IARS1: variants seen among roughly 807,000 people sequenced by gnomAD.
IARS1 encodes the protein isoleucyl-tRNA synthetase 1, also known as isoleucine--tRNA ligase, cytoplasmic.
In IARS1, 124 loss-of-function variants were observed where a neutral mutation model predicts 168.2. That is an observed-to-expected ratio of 0.74 (90% CI 0.64 to 0.86). The LOEUF (loss-of-function observed/expected upper bound fraction) is 0.86, where lower values mean the gene tolerates loss of function less well. Ranked by LOEUF, IARS1 falls within the 40% of genes least tolerant of loss-of-function variation. The pLI is 0.00. For missense variants in IARS1, 1,452 were observed against 1,515.8 expected, an observed-to-expected ratio of 0.96 and a Z score of 0.70; for synonymous variants, 532 against 529.4, an observed-to-expected ratio of 1.00 and a Z score of -0.07.
At chr9:92,260,273 A>G (rs756793686) in intron 17 of IARS1, 39 bp from the exon 18 acceptor site, 12 of 1,185,556 alleles carry the variant, frequency 1.0e-5, no homozygotes, top group African/African-American at 3.0e-5. Flanking sequence ...AAGTAAGTCA[A>G]TATCACAGAT....
chr9:92,264,914 A>T lies in IARS1; in HGVS notation c.1700+15T>A. On this transcript the variant is annotated intron_variant, in intron 16 of 33. Coordinates refer to ENST00000443024, the MANE Select transcript of IARS1 (RefSeq NM_002161.6). ...AAATCAATAAAACACGTGATGAAAGAACAAGGAGGCATACCATCCTCTGGT... is the reference window on the plus strand; with the variant it reads ...AAATCAATAAAACACGTGATGAAAGTACAAGGAGGCATACCATCCTCTGGT... 3.7e-6 allele frequency: 6 copies of T among 1,600,172 alleles called. No individual in the cohort carries two copies. The highest frequency in any genetic ancestry group is 5.1e-6 in the Non-Finnish European group (6 of 1,173,494).
chr9:92,262,341 A>C (rs983059120), intron 17 of IARS1, among the ~76,000 whole-genome samples: 1 of 152,194 alleles, frequency 6.6e-6, no homozygotes, highest in African/African-American at 2.4e-5. Context: ...CACAGCATAT[A>C]AAGTAGGATT....
intron 32 of IARS1, 44 bp from the exon 33 acceptor site, chr9:92,222,716 C>T: frequency 6.2e-7 from 1 of 1,605,158 alleles, no homozygotes; most frequent in Non-Finnish European, 8.5e-7. Flanking sequence ...GAGAGTTCAC[C>T]CTCTAGCTCC....
chr9:92,251,062 G>A (rs1398340483), intron 22 of IARS1: 4 of 572,196 alleles, frequency 7.0e-6, no homozygotes, highest in Non-Finnish European at 1.3e-5. Context: ...AATTCTGAAG[G>A]ATGTCTAAAA....
chr9:92,217,924 T>C (rs1167874564), intron 33 of IARS1, among the ~76,000 whole-genome samples: 1 of 152,134 alleles, frequency 6.6e-6, no homozygotes, highest in Non-Finnish European at 1.5e-5. Context: ...ACTCCTTTTA[T>C]GAGGCCAGCA....
In IARS1 at chr9:92,210,701, G is replaced by A; in HGVS notation, c.*106C>T. Reference sequence around the variant, plus strand: ...CAAGCAGCATATTTTACACACACCTGAAGGAAATATCTTCAGTGTGTTCAT... The same window carrying A: ...CAAGCAGCATATTTTACACACACCTAAAGGAAATATCTTCAGTGTGTTCAT... On this transcript the variant is annotated 3_prime_UTR_variant, in exon 34 of 34. Transcript: ENST00000443024. 2.7e-6 allele frequency: 2 copies of A among 729,490 alleles called. No individual in the cohort carries two copies. The highest frequency in any genetic ancestry group is 1.6e-5 in the South Asian group (1 of 61,600). The allele number at this position is 729,490 out of a possible 1,614,324, so 45.2% of individuals were successfully genotyped here.
intron 33 of IARS1, among the ~76,000 whole-genome samples, chr9:92,211,106 T>C (rs1837672857): frequency 6.6e-6 from 1 of 152,174 alleles, no homozygotes; most frequent in African/African-American, 2.4e-5. Context: ...ACCTGACAGT[T>C]GTTGCTAATG....
chr9:92,277,796 C>A, intron 9 of IARS1, 67 bp downstream of exon 9: 1 of 1,373,040 alleles, frequency 7.3e-7, no homozygotes, highest in Admixed American at 2.0e-5. Context: ...TTCCACTTCT[C>A]ACAACACCCC....
At chr9:92,225,574 A>ATTTTT (rs35209758) in intron 31 of IARS1, among the ~76,000 whole-genome samples, 6 of 144,254 alleles carry the variant, frequency 4.2e-5, no homozygotes, top group South Asian at 2.2e-4. Flanking sequence ...TAAAAGTGTG[A>ATTTTT]TTTTTTTTTT....
chr9:92,231,591 GTT>G (rs113987313), intron 30 of IARS1, among the ~76,000 whole-genome samples: 96 of 124,980 alleles, frequency 7.7e-4, no homozygotes, highest in African/African-American at 2.3e-3. Context: ...TTTTGTATTT[GTT>G]TTTTTTTTTT....
At chr9:92,243,884 T>C (rs1048482556) in intron 27 of IARS1, among the ~76,000 whole-genome samples, 9 of 152,222 alleles carry the variant, frequency 5.9e-5, no homozygotes, top group African/African-American at 2.2e-4. Context: ...ATTCTGAAGG[T>C]TGCTGATTAT....
At chr9:92,227,989 G>A (rs1826028776) in intron 31 of IARS1, among the ~76,000 whole-genome samples, 2 of 151,932 alleles carry the variant, frequency 1.3e-5, no homozygotes, top group African/African-American at 4.8e-5. Flanking sequence ...GCAGGCGGCT[G>A]GGAGATGGAG....
intron 6 of IARS1, among the ~76,000 whole-genome samples, chr9:92,284,238 G>T (rs143557749): frequency 0.024 from 3,586 of 152,220 alleles, 88 homozygotes; most frequent in South Asian, 0.12. Context: ...GACAACGAAT[G>T]CTAACATGGC....
chr9:92,282,714 G>A (rs1002273802), intron 6 of IARS1, among the ~76,000 whole-genome samples: 1 of 151,960 alleles, frequency 6.6e-6, no homozygotes, highest in Admixed American at 6.6e-5. Flanking sequence ...AGGCTGCAGT[G>A]AGCTGTGTTT....
Position 92,264,932 on chromosome 9 carries a change from C to T in IARS1, c.1697G>A (p.Gly566Glu). ...ATGAAAGAACAAGGAGGCATACCAT[C>T]CTCTGGTTTGGTCGATGCCCTCGGC... ...FIAEGIDQTRGWFYTLLVLAT... is the reference protein window; with the variant it reads ...FIAEGIDQTREWFYTLLVLAT... Residue 566 changes from glycine (G) to glutamate (E), a missense_variant, in exon 16 of 34, where the codon GGA (glycine) becomes GAA (glutamate). By Grantham distance (98) the Gly-to-Glu change is moderately conservative. Coordinates refer to ENST00000443024, the MANE Select transcript of IARS1 (RefSeq NM_002161.6). 6.2e-7 allele frequency: 1 copy of T among 1,611,802 alleles called. No individual in the cohort carries two copies. Among genetic ancestry groups the T allele is most frequent in the Non-Finnish European group, 8.5e-7 (1 of 1,178,858 alleles).
chr9:92,235,989 T>C (rs1827460828), intron 30 of IARS1, among the ~76,000 whole-genome samples: 1 of 152,120 alleles, frequency 6.6e-6, no homozygotes, highest in Non-Finnish European at 1.5e-5. Context: ...ATCTTTTTTT[T>C]TTCTTTTTTG....
intron 14 of IARS1, among the ~76,000 whole-genome samples, chr9:92,266,449 C>T (rs1832298237): frequency 1.3e-5 from 2 of 152,216 alleles, no homozygotes; most frequent in Admixed American, 1.3e-4. Flanking sequence ...CCTATTACTT[C>T]TAAGCTACAA....
At chr9:92,240,260 TTTTC>T (rs1440165889) in intron 30 of IARS1, 1 of 174,256 alleles carries the variant, frequency 5.7e-6, no homozygotes, top group East Asian at 1.6e-4. Context: ...GTGGATTCAT[TTTTC>T]TTTTCTTTTT....
intron 10 of IARS1, among the ~76,000 whole-genome samples, chr9:92,273,249 A>G (rs1235811087): frequency 6.6e-6 from 1 of 152,198 alleles, no homozygotes; most frequent in Non-Finnish European, 1.5e-5. Flanking sequence ...ATTATGAACA[A>G]TATTTGACTA....
Sources: gnomAD v4.1 joint callset for allele counts (sites outside exome capture counted in the v4.1 genomes callset) on GRCh38, gnomAD v4.1.1 for gene constraint, MANE v1.5 for transcripts, NCBI Gene and HGNC (gene_info 2026-07-23, HGNC 2026-07-21) for gene names.